Variants in SERPINB8 observed in about 807,000 individuals in gnomAD.
The protein encoded by SERPINB8 is serpin B8.
In SERPINB8, 25 loss-of-function variants were observed where a neutral mutation model predicts 35.3. That is an observed-to-expected ratio of 0.71 (90% CI 0.52 to 0.99). SERPINB8 has a LOEUF of 0.99. Ranked by LOEUF, SERPINB8 falls within the 50% of genes least tolerant of loss-of-function variation. The pLI, the probability that SERPINB8 is intolerant of heterozygous loss-of-function variation, is 0.00. For missense variants in SERPINB8, 484 were observed against 446.5 expected (o/e 1.08, Z -0.76); for synonymous variants, 186 against 160.8 (o/e 1.16, Z -1.19).
chr18:63,999,579 C>T (rs115400180), intron 1 of SERPINB8, among the ~76,000 whole-genome samples: 274 of 152,234 alleles, frequency 1.8e-3, no homozygotes, highest in African/African-American at 6.0e-3. Context: ...CTGCCTACTG[C>T]CTACCAAGAA....
chr18:64,003,337 G>T (rs535994813), intron 1 of SERPINB8, among the ~76,000 whole-genome samples: 3 of 152,290 alleles, frequency 2.0e-5, no homozygotes, highest in Admixed American at 6.5e-5. Flanking sequence ...AGGTGGGAAA[G>T]AGTGAAGTGG....
chr18:64,002,109 C>A (rs370598160), intron 1 of SERPINB8, among the ~76,000 whole-genome samples: 10 of 152,142 alleles, frequency 6.6e-5, no homozygotes, highest in South Asian at 4.1e-4. Context: ...CTGAACCCCC[C>A]GATAGAGGAC....
At chr18:63,970,791 C>G (rs149964033) in intron 1 of SERPINB8, among the ~76,000 whole-genome samples, 32 of 152,290 alleles carry the variant, frequency 2.1e-4, no homozygotes, top group South Asian at 1.2e-3. Flanking sequence ...CTGTCCCCCC[C>G]CTCCGTTCTT....
rs533248739 is a variant in SERPINB8, at chr18:63,970,194, G to C, written c.-11+24G>C. On this transcript the variant is annotated intron_variant, in intron 1 of 6. Transcript: ENST00000397985. ...AGGTGGGGGCCTCTGCCAGGTACCG[G>C]GCGGGGCAGGCACGGAGGTGCCCAG... The C allele has an allele frequency of 1.4e-5, 4 of 295,206 alleles. No individual in the cohort carries two copies. In the East Asian group the frequency reaches 5.3e-4, roughly 39 times the overall value. 18.3% of individuals were successfully genotyped at this position (295,206 alleles called of 1,614,324 possible). A position where few individuals can be genotyped will look rare whatever the true frequency, so the allele number is the denominator to read the frequency against.
At chr18:63,998,856 C>A (rs1426931248) in intron 1 of SERPINB8, among the ~76,000 whole-genome samples, 5 of 152,180 alleles carry the variant, frequency 3.3e-5, no homozygotes, top group African/African-American at 1.2e-4. Context: ...AATTCAATGT[C>A]TCAACATTTT....
intron 6 of SERPINB8, chr18:63,986,321 T>C: frequency 6.2e-7 from 1 of 1,607,024 alleles, no homozygotes; most frequent in South Asian, 1.1e-5. Context: ...CAAACAAGGA[T>C]GCTGATGAAG....
intron 1 of SERPINB8, among the ~76,000 whole-genome samples, chr18:63,976,444 G>T (rs1420095694): frequency 2.0e-5 from 3 of 152,172 alleles, no homozygotes; most frequent in African/African-American, 7.2e-5. Context: ...ACCTTCCACA[G>T]AACTGGTTGA....
At chr18:64,002,401 C>A (rs973316756) in intron 1 of SERPINB8, among the ~76,000 whole-genome samples, 4 of 152,150 alleles carry the variant, frequency 2.6e-5, no homozygotes, top group Non-Finnish European at 5.9e-5. Flanking sequence ...TAGGAGTCCG[C>A]CACCCTCCCT....
At chr18:63,984,061 G>A (rs2144814444) in intron 5 of SERPINB8, among the ~76,000 whole-genome samples, 1 of 152,190 alleles carries the variant, frequency 6.6e-6, no homozygotes, top group South Asian at 2.1e-4. Context: ...TGCCCAGGTT[G>A]GTCTCAAACT....
At chr18:64,000,699 T>G (rs2144840960) in intron 1 of SERPINB8, among the ~76,000 whole-genome samples, 1 of 152,272 alleles carries the variant, frequency 6.6e-6, no homozygotes, top group Non-Finnish European at 1.5e-5. Flanking sequence ...TGGAGATACT[T>G]TTCTCCACTC....
Position 63,970,139 on chromosome 18 carries a change from G to GGCGGCGGCGGCA in SERPINB8, c.-39_-28dup. The GGCGGCGGCGGCA allele has an allele frequency of 5.5e-6, 2 of 365,922 alleles. 1 individual carries two copies. The highest frequency in any genetic ancestry group is 1.1e-5 in the Non-Finnish European group (2 of 185,668). 22.7% of individuals were successfully genotyped at this position (365,922 alleles called of 1,614,324 possible). ...GAATAGTCAAAGCAGCAGCGGCGGCGGCGGCGGCGGCAGCAGCAGCAGCAG... is the reference window on the plus strand; with the variant it reads ...GAATAGTCAAAGCAGCAGCGGCGGCGGCGGCGGCGGCAGCGGCGGCGGCAGCAGCAGCAGCAG... On this transcript the variant is annotated 5_prime_UTR_variant, in exon 1 of 7. Coordinates refer to ENST00000397985, the MANE Select transcript of SERPINB8 (RefSeq NM_002640.4).
At position 63,987,323 on chromosome 18, in the gene SERPINB8, T is replaced by C; in HGVS notation, c.*45T>C. On this transcript the variant is annotated 3_prime_UTR_variant, in exon 7 of 7. Coordinates refer to ENST00000397985, the MANE Select transcript of SERPINB8 (RefSeq NM_002640.4). ...ATACCCTCCTTTCCTTCTACCTATCTTGCCTTAATTAACATTCCCTGTGAC... is the reference window on the plus strand; with the variant it reads ...ATACCCTCCTTTCCTTCTACCTATCCTGCCTTAATTAACATTCCCTGTGAC... 1 of 1,550,548 alleles carries C rather than the reference T, an allele frequency of 6.4e-7. No individual in the cohort carries two copies. The highest frequency in any genetic ancestry group is 8.7e-7 in the Non-Finnish European group (1 of 1,146,834).
chr18:63,989,886 T>C (rs2050813131), downstream of SERPINB8, among the ~76,000 whole-genome samples: 1 of 117,546 alleles, frequency 8.5e-6, no homozygotes, highest in African/African-American at 3.4e-5. Context: ...GAGCTTGCAG[T>C]GAGCCGAGAT....
intron 2 of SERPINB8, among the ~76,000 whole-genome samples, chr18:63,979,007 A>C (rs1308288488): frequency 6.6e-6 from 1 of 152,210 alleles, no homozygotes; most frequent in Non-Finnish European, 1.5e-5. Context: ...TTATCTACAA[A>C]CGAGGTGTGG....
chr18:64,008,018 C>T (rs1335491515), downstream of SERPINB8, among the ~76,000 whole-genome samples: 1 of 151,876 alleles, frequency 6.6e-6, no homozygotes, highest in Non-Finnish European at 1.5e-5. Flanking sequence ...ACAAATCAAA[C>T]CCAAAGTTAT....
chr18:64,011,817 G>C (rs2050927162), intron 7 of SERPINB8, among the ~76,000 whole-genome samples: 1 of 152,138 alleles, frequency 6.6e-6, no homozygotes. Flanking sequence ...ATGCTTTATA[G>C]GGACTAAGAA....
chr18:63,978,443 G>C lies in SERPINB8; in HGVS notation c.135G>C (p.Gly45=), dbSNP rs780363136. ...CTGCCCTGGCCATGGTCTTCATGGG[G>C]GCAAAGGGAAGCACTGCAGCCCAGA... The part of the protein sequence containing the change: ...ISSALAMVFM[G]AKGSTAAQMS... The change falls in exon 2 of 7, where the codon GGG becomes GGC. Residue 45 remains glycine (G), a synonymous_variant. Transcript: ENST00000397985. 6.2e-7 allele frequency: 1 copy of C among 1,614,170 alleles called. No homozygotes were observed. The highest frequency in any genetic ancestry group is 8.5e-7 in the Non-Finnish European group (1 of 1,180,020).
intron 1 of SERPINB8, chr18:64,004,765 T>G (rs895228509): frequency 7.5e-6 from 3 of 398,336 alleles, no homozygotes; most frequent in African/African-American, 2.1e-5. Context: ...TTCTGTTGTT[T>G]AGTGTCATTA....
rs1159620899 is a variant in SERPINB8, at chr18:63,989,081, A to G, written c.*1803A>G. The G allele has an allele frequency of 6.6e-6, 1 of 152,142 alleles. No homozygotes were observed. The highest frequency in any genetic ancestry group is 1.5e-5 in the Non-Finnish European group (1 of 68,022). 9.4% of individuals were successfully genotyped at this position (152,142 alleles called of 1,614,324 possible). On this transcript the variant is annotated 3_prime_UTR_variant, in exon 7 of 7. Transcript: ENST00000397985. The stretch of plus-strand genomic sequence containing the variant: ...CACTGATCTGCTCAGGCAACTACCA[A>G]TCTTCTTTCTGTCACTATAGATTAA...
Sources: allele counts gnomAD v4.1 joint callset (sites outside exome capture counted in the v4.1 genomes callset), GRCh38; gene constraint gnomAD v4.1.1; transcripts MANE v1.5; gene names NCBI Gene and HGNC (gene_info 2026-07-23, HGNC 2026-07-21).